STK32B: variants seen among roughly 807,000 people sequenced by gnomAD.
STK32B encodes the protein serine/threonine kinase 32B.
A neutral mutation model predicts 52.6 loss-of-function variants in STK32B; 43 were observed. That is an observed-to-expected ratio of 0.82 (90% confidence interval 0.64 to 1.05). The LOEUF is 1.05. Ranked by LOEUF, STK32B falls within the 50% of genes least tolerant of loss-of-function variation. STK32B has a pLI of 0.00. For synonymous variants in STK32B, 238 were observed against 204.3 expected (o/e 1.17, Z -1.41); for missense variants, 621 against 534.6 (o/e 1.16, Z -1.59).
chr4:5,433,618 A>C (rs1337453997), intron 6 of STK32B, among the ~76,000 whole-genome samples: 1 of 152,190 alleles, frequency 6.6e-6, no homozygotes, highest in Admixed American at 6.5e-5. Context: ...GGCCCCCTCT[A>C]GGCCAAAATT....
At chr4:5,190,822 G>C (rs1280709308) in intron 3 of STK32B, among the ~76,000 whole-genome samples, 1 of 152,054 alleles carries the variant, frequency 6.6e-6, no homozygotes, top group Non-Finnish European at 1.5e-5. Flanking sequence ...ACTCGGAGCA[G>C]GTCTCCAAGG....
intron 3 of STK32B, among the ~76,000 whole-genome samples, chr4:5,299,792 A>C (rs1045394483): frequency 2.4e-4 from 37 of 152,240 alleles, no homozygotes; most frequent in African/African-American, 8.7e-4. Flanking sequence ...TTGGATCAGT[A>C]ATTTTAAAAA....
At chr4:5,177,900 A>G (rs1051906903) in intron 3 of STK32B, among the ~76,000 whole-genome samples, 2 of 152,202 alleles carry the variant, frequency 1.3e-5, no homozygotes, top group African/African-American at 4.8e-5. Flanking sequence ...TTTGCAGGGT[A>G]CAGCCTCCTT....
In STK32B at chr4:5,431,808, A is replaced by G. The variant is rs567396772; in HGVS notation, c.563-14865A>G. Among the ~76,000 whole-genome samples, 7 of 152,310 alleles carry G rather than the reference A, an allele frequency of 4.6e-5. No homozygotes were observed. The South Asian group carries it at 1.0e-3, about 23-fold the overall frequency. The stretch of plus-strand genomic sequence containing the variant: ...AGTGGTTTCATGTTATCTCAAATTA[A>G]TATGTAAGCGTGTGACACCTGAGTT... On this transcript the variant is annotated intron_variant, in intron 6 of 11. Transcript: ENST00000282908.
chr4:5,397,327 T>C (rs1157369931), intron 4 of STK32B, among the ~76,000 whole-genome samples: 1 of 152,240 alleles, frequency 6.6e-6, no homozygotes, highest in Non-Finnish European at 1.5e-5. Context: ...CTCACTTTCA[T>C]TCCTCCATCC....
chr4:5,433,874 A>G (rs1191919311), intron 6 of STK32B, among the ~76,000 whole-genome samples: 4 of 152,190 alleles, frequency 2.6e-5, no homozygotes, highest in Admixed American at 6.5e-5. Context: ...TGAGGGGGCA[A>G]ATCCCACCAC....
intron 2 of STK32B, among the ~76,000 whole-genome samples, chr4:5,155,938 C>A (rs1717789930): frequency 6.6e-6 from 1 of 152,084 alleles, no homozygotes; most frequent in African/African-American, 2.4e-5. Flanking sequence ...GCAATATGTA[C>A]ACGTGCATAT....
intron 3 of STK32B, among the ~76,000 whole-genome samples, chr4:5,317,144 G>GTA (rs1731033321): frequency 3.3e-5 from 1 of 30,150 alleles, no homozygotes; most frequent in South Asian, 1.8e-3. Flanking sequence ...TAATATATAT[G>GTA]TATAATATAC....
At chr4:5,185,041 C>T (rs775683399) in intron 3 of STK32B, among the ~76,000 whole-genome samples, 1 of 152,246 alleles carries the variant, frequency 6.6e-6, no homozygotes, top group African/African-American at 2.4e-5. Flanking sequence ...CCTTCTCCTC[C>T]AGCGTCAGAC....
At chr4:5,142,476 C>G (rs937446307) in intron 2 of STK32B, among the ~76,000 whole-genome samples, 5 of 152,202 alleles carry the variant, frequency 3.3e-5, no homozygotes, top group African/African-American at 1.2e-4. Context: ...ATGGAGGCAC[C>G]ACAGAGCTTC....
the STK32B span, among the ~76,000 whole-genome samples, chr4:5,029,919 T>G: frequency 6.6e-6 from 1 of 152,238 alleles, no homozygotes; most frequent in South Asian, 2.1e-4. Context: ...TTCCCCATGC[T>G]ATTCTCATGA....
intron 3 of STK32B, among the ~76,000 whole-genome samples, chr4:5,179,063 AC>A (rs1358426285): frequency 6.6e-6 from 1 of 152,234 alleles, no homozygotes; most frequent in Non-Finnish European, 1.5e-5. Flanking sequence ...ATTTATAAAG[AC>A]AAGAGGTTTA....
In STK32B at chr4:5,246,534, C is replaced by T. The variant is rs572240430; in HGVS notation, c.260+78084C>T. Among the ~76,000 whole-genome samples the T allele has an allele frequency of 4.6e-5, 7 of 152,238 alleles. No individual in the cohort carries two copies. The East Asian group carries it at 5.8e-4, about 13-fold the overall frequency. ...TTGGTTCAAACTTCCTCCTTTAGCT[C>T]GGAGTAGTTTGATCTTCTGCAGCCT... On this transcript the variant is annotated intron_variant, in intron 3 of 11. Coordinates refer to ENST00000282908, the MANE Select transcript of STK32B (RefSeq NM_018401.3).
At chr4:5,020,943 C>G in the STK32B span, among the ~76,000 whole-genome samples, 1 of 152,154 alleles carries the variant, frequency 6.6e-6, no homozygotes, top group East Asian at 1.9e-4. Flanking sequence ...TCTGGACTTT[C>G]CTGCCTCCAA....
rs1249896505 is a variant in STK32B, at chr4:5,386,902, C to G, written c.435-11305C>G. On this transcript the variant is annotated intron_variant, in intron 4 of 11. Coordinates refer to ENST00000282908, the MANE Select transcript of STK32B (RefSeq NM_018401.3). This position sits in a 1 kb window ranked among gnomAD's most constrained non-coding sequence, Gnocchi z 4.5. ...TGTCCTCAGAAAGCTGGATGAGGAA[C>G]ATGAGGCCGTGGCCTGAGCGTCTTC... Among the ~76,000 whole-genome samples the G allele has an allele frequency of 6.6e-6, 1 of 152,180 alleles. No individual in the cohort carries two copies. Among genetic ancestry groups the G allele is most frequent in the Non-Finnish European group, 1.5e-5 (1 of 68,030 alleles).
At chr4:5,111,277 A>T (rs893371434) in intron 1 of STK32B, among the ~76,000 whole-genome samples, 17 of 152,176 alleles carry the variant, frequency 1.1e-4, no homozygotes, top group African/African-American at 3.1e-4. Context: ...TGCTCAAAGG[A>T]AAATAAATTA....
intron 3 of STK32B, among the ~76,000 whole-genome samples, chr4:5,263,533 C>G (rs757321036): frequency 7.9e-5 from 12 of 152,226 alleles, no homozygotes; most frequent in Non-Finnish European, 1.8e-4. Flanking sequence ...CAGAACTCAG[C>G]TCCATCCACC....
chr4:5,419,845 T>A (rs1338632755), intron 6 of STK32B, among the ~76,000 whole-genome samples: 2 of 152,242 alleles, frequency 1.3e-5, no homozygotes, highest in African/African-American at 2.4e-5. Flanking sequence ...AATCCACTAC[T>A]CATGTCATTA....
At chr4:5,222,708 A>G (rs534298169) in intron 3 of STK32B, among the ~76,000 whole-genome samples, 1 of 152,326 alleles carries the variant, frequency 6.6e-6, no homozygotes, top group African/African-American at 2.4e-5. Flanking sequence ...CTCTTAATTG[A>G]TTATAATAAA....
Sources: allele counts gnomAD v4.1 joint callset (sites outside exome capture counted in the v4.1 genomes callset), GRCh38; gene constraint gnomAD v4.1.1; non-coding constraint Gnocchi (gnomAD v3.1); transcripts MANE v1.5; gene names NCBI Gene and HGNC (gene_info 2026-07-23, HGNC 2026-07-21).